The following NMBR variants were observed in gnomAD, a reference collection of about 807,000 sequenced individuals.
The protein encoded by NMBR is neuromedin B receptor.
A neutral mutation model predicts 20.5 loss-of-function variants in NMBR; 16 were observed. The observed-to-expected ratio is 0.78, with a 90% confidence interval of 0.53 to 1.19. The LOEUF is 1.19. Ranked by LOEUF, NMBR falls within the 50% of genes most tolerant of loss-of-function variation. The pLI, the probability that NMBR is intolerant of heterozygous loss-of-function variation, is 0.00. For synonymous variants in NMBR, 212 were observed against 196.6 expected, an observed-to-expected ratio of 1.08 and a Z score of -0.65; for missense variants, 582 against 499.1, an observed-to-expected ratio of 1.17 and a Z score of -1.58.
chr6:142,133,073 G>C (rs1483500129), intron 1 of NMBR: 3 of 583,914 alleles, frequency 5.1e-6, no homozygotes, highest in Non-Finnish European at 9.3e-6. Flanking sequence ...CTGAGAGAAT[G>C]TAAGAGTTTG....
chr6:142,088,472 T>A lies in NMBR; in HGVS notation c.187A>T (p.Met63Leu). 1 of 1,613,898 alleles carries A rather than the reference T, an allele frequency of 6.2e-7. No individual in the cohort carries two copies. Among genetic ancestry groups the A allele is most frequent in the Non-Finnish European group, 8.5e-7 (1 of 1,179,982 alleles). ...TTGGTGATGAAGATCTTCACCAGCA[T>A]GATGTTGCCCAGCAAGCCCACGGTG... ...IITVGLLGNI[M>L]LVKIFITNSA... The change falls in exon 2 of 4, where the codon ATG (methionine) becomes TTG (leucine). Residue 63 changes from methionine (M) to leucine (L), a missense_variant. Met to Leu is a conservative substitution (Grantham distance 15). Transcript: ENST00000258042.
chr6:142,090,236 C>G (rs1050800709), intron 1 of NMBR, among the ~76,000 whole-genome samples: 2 of 151,946 alleles, frequency 1.3e-5, no homozygotes, highest in Non-Finnish European at 2.9e-5. Flanking sequence ...TTGACTAGTT[C>G]TTTGTTATTA....
chr6:142,135,960 G>A (rs990414363), intron 1 of NMBR, among the ~76,000 whole-genome samples: 22 of 151,994 alleles, frequency 1.4e-4, no homozygotes, highest in African/African-American at 5.3e-4. Flanking sequence ...AAACATACGT[G>A]TGCATGTGTC....
At position 142,134,533 on chromosome 6, in the gene NMBR, T is replaced by C. The variant is rs1358645578; in HGVS notation, c.-664+12511A>G. 3 of 536,198 alleles carry C rather than the reference T, an allele frequency of 5.6e-6. No individual in the cohort carries two copies. The East Asian group carries it at 9.0e-5, about 16-fold the overall frequency. 33.2% of individuals were successfully genotyped at this position (536,198 alleles called of 1,614,324 possible). On this transcript the variant is annotated intron_variant, in intron 1 of 3. Coordinates refer to ENST00000258042, the MANE Select transcript of NMBR (RefSeq NM_002511.4). The stretch of plus-strand genomic sequence containing the variant: ...AGATATTTCTGACATACTTTAGGTG[T>C]TCTAGGCATTACAACTAGTTATTGT...
At chr6:142,079,672 A>T (rs1777053501) in intron 2 of NMBR, among the ~76,000 whole-genome samples, 1 of 152,202 alleles carries the variant, frequency 6.6e-6, no homozygotes, top group South Asian at 2.1e-4. Context: ...CATTTTGACA[A>T]AATAAAATAA....
intron 1 of NMBR, among the ~76,000 whole-genome samples, chr6:142,098,583 C>G (rs1293827688): frequency 1.3e-5 from 2 of 151,870 alleles, no homozygotes; most frequent in African/African-American, 4.8e-5. Context: ...TTACAGTCAC[C>G]CTGAAATATG....
rs1254439313 is a variant in NMBR at position 142,074,794 on chromosome 6, T to C, written c.*854A>G. On this transcript the variant is annotated 3_prime_UTR_variant, in exon 4 of 4. Coordinates refer to ENST00000258042, the MANE Select transcript of NMBR (RefSeq NM_002511.4). ...AAGATGGCCATGCAAACTTGTGAGTTGTAGCTTTGCAATTTGGGACATATG... is the reference window on the plus strand; with the variant it reads ...AAGATGGCCATGCAAACTTGTGAGTCGTAGCTTTGCAATTTGGGACATATG... 6.6e-6 allele frequency among the ~76,000 whole-genome samples: 1 copy of C among 152,156 alleles called. No homozygotes were observed. The highest frequency in any genetic ancestry group is 1.5e-5 in the Non-Finnish European group (1 of 68,000).
At chr6:142,116,782 G>A (rs1052328809) in intron 1 of NMBR, among the ~76,000 whole-genome samples, 3 of 151,708 alleles carry the variant, frequency 2.0e-5, no homozygotes, top group African/African-American at 4.8e-5. Flanking sequence ...TGATTTATTG[G>A]TATAAATCAT....
intron 1 of NMBR, among the ~76,000 whole-genome samples, chr6:142,127,435 T>C (rs2114603486): frequency 6.6e-6 from 1 of 152,190 alleles, no homozygotes; most frequent in Non-Finnish European, 1.5e-5. Context: ...CCTCCAGCTT[T>C]GTTTTTCTTG....
At chr6:142,076,893 C>T (rs1314631519) in intron 3 of NMBR, among the ~76,000 whole-genome samples, 2 of 152,170 alleles carry the variant, frequency 1.3e-5, no homozygotes, top group Non-Finnish European at 2.9e-5. Context: ...TACTACTGGT[C>T]GTCAACTAGA....
intron 1 of NMBR, among the ~76,000 whole-genome samples, chr6:142,095,905 A>G (rs1249399592): frequency 1.3e-5 from 2 of 152,090 alleles, no homozygotes; most frequent in Non-Finnish European, 2.9e-5. Context: ...CAAGGAATTT[A>G]TCCATTTCTT....
intron 1 of NMBR, among the ~76,000 whole-genome samples, chr6:142,107,868 CA>C (rs60312214): frequency 0.63 from 94,604 of 151,130 alleles, 30,933 homozygotes; most frequent in East Asian, 0.86. Context: ...TAGAGACTAT[CA>C]AAAAAAAAGT....
chr6:142,088,481 C>T lies in NMBR; in HGVS notation c.178G>A (p.Gly60Ser). The change falls in exon 2 of 4, where the codon GGC (glycine) becomes AGC (serine). Residue 60 changes from glycine (G) to serine (S), a missense_variant. Transcript: ENST00000258042. ...YLLIITVGLL[G>S]NIMLVKIFIT... ...AAGATCTTCACCAGCATGATGTTGC[C>T]CAGCAAGCCCACGGTGATGATGAGC... 1 of 1,613,996 alleles carries T rather than the reference C, an allele frequency of 6.2e-7. No individual in the cohort carries two copies. The highest frequency in any genetic ancestry group is 8.5e-7 in the Non-Finnish European group (1 of 1,179,998).
chr6:142,109,430 T>C (rs903354695), intron 1 of NMBR, among the ~76,000 whole-genome samples: 7 of 151,790 alleles, frequency 4.6e-5, no homozygotes, highest in Non-Finnish European at 7.4e-5. Flanking sequence ...AGAAATACAT[T>C]TCTCCAAAAA....
At chr6:142,105,480 T>G (rs551752499) in intron 1 of NMBR, among the ~76,000 whole-genome samples, 1 of 152,334 alleles carries the variant, frequency 6.6e-6, no homozygotes, top group Admixed American at 6.5e-5. Flanking sequence ...CCACACAAGA[T>G]TTCCATAAAC....
At chr6:142,142,049 C>T (rs976833528) in intron 1 of NMBR, among the ~76,000 whole-genome samples, 3 of 151,982 alleles carry the variant, frequency 2.0e-5, no homozygotes, top group Admixed American at 1.3e-4. Flanking sequence ...AACCTTGAAG[C>T]GATTGTAAGG....
rs536447941 is a variant in NMBR at position 142,075,848 on chromosome 6, A to G, written c.973T>C (p.Tyr325His). ...GNSCVNPFAL[Y>H]LLSESFRRHF... ...CTCCTGAAGCTTTCACTGAGTAGGT[A>G]AAGAGCAAATGGGTTGACACAAGAA... The change falls in exon 4 of 4, where the codon TAC (tyrosine) becomes CAC (histidine). Residue 325 changes from tyrosine (Y) to histidine (H), a missense_variant. Transcript: ENST00000258042. 73 of 1,614,098 alleles carry G rather than the reference A, an allele frequency of 4.5e-5. 2 individuals are homozygous for G. In the South Asian group the frequency reaches 6.9e-4, roughly 15 times the overall value.
intron 1 of NMBR, among the ~76,000 whole-genome samples, chr6:142,135,800 C>G (rs1208038009): frequency 2.0e-5 from 3 of 151,932 alleles, no homozygotes. Flanking sequence ...CCAATTTCAT[C>G]CATGTCCCTA....
intron 1 of NMBR, among the ~76,000 whole-genome samples, chr6:142,098,102 A>G (rs1777494827): frequency 6.6e-6 from 1 of 152,072 alleles, no homozygotes; most frequent in Non-Finnish European, 1.5e-5. Context: ...GACAGAAGAA[A>G]AAAAGAACAG....
Sources: allele counts gnomAD v4.1 joint callset (sites outside exome capture counted in the v4.1 genomes callset), GRCh38; gene constraint gnomAD v4.1.1; transcripts MANE v1.5; gene names NCBI Gene and HGNC (gene_info 2026-07-23, HGNC 2026-07-21).